PATE1: variants seen among roughly 807,000 people sequenced by gnomAD.
PATE1 encodes the protein prostate and testis expressed 1, also known as prostate and testis expressed protein 1.
Under a neutral mutation model 13.1 loss-of-function variants are expected in PATE1, and 21 were observed. The observed-to-expected ratio is 1.61, with a 90% CI of 1.14 to 2.31. The LOEUF (loss-of-function observed/expected upper bound fraction) is 2.31, where lower values mean the gene tolerates loss of function less well. Among genes scored for constraint, PATE1 ranks in the 30% most tolerant of loss-of-function variants. PATE1 has a pLI of 0.00. For missense variants in PATE1, 166 were observed against 147.2 expected (o/e 1.13, Z -0.66); for synonymous variants, 52 against 47.1 (o/e 1.10, Z -0.43).
chr11:125,746,800 T>A, intron 2 of PATE1, 104 bp downstream of exon 2: 1 of 1,188,568 alleles, frequency 8.4e-7, no homozygotes, highest in Non-Finnish European at 1.3e-6. Flanking sequence ...AAAATACGAA[T>A]AGACCTTGAG....
chr11:125,747,292 C>A, intron 2 of PATE1, 84 bp from the exon 3 acceptor site: 5 of 1,321,154 alleles, frequency 3.8e-6, no homozygotes, highest in South Asian at 3.7e-5. Context: ...CAGGATGGAC[C>A]CTGAAGGGCA....
In PATE1 at chr11:125,747,771, A is replaced by G. The variant is rs149639744; in HGVS notation, c.196A>G (p.Ile66Val). 41 of 1,613,998 alleles carry G rather than the reference A, an allele frequency of 2.5e-5. 1 individual carries two copies. The African/African-American group carries it at 4.9e-4, about 19-fold the overall frequency. The change falls in exon 4 of 5, where the codon ATA (isoleucine) becomes GTA (valine). Residue 66 changes from isoleucine (I) to valine (V), a missense_variant. Ile to Val is a conservative substitution (Grantham distance 29). Coordinates refer to ENST00000305738, the MANE Select transcript of PATE1 (RefSeq NM_138294.3). Reference protein sequence around the residue: ...PGEKCSRGRGICTATTEEACM... With the variant: ...PGEKCSRGRGVCTATTEEACM... Reference sequence around the variant, plus strand: ...AGAAAAGTGCTCCAGAGGAAGAGGAATATGCACAGCAACAACAGAAGAGGC... The same window carrying G: ...AGAAAAGTGCTCCAGAGGAAGAGGAGTATGCACAGCAACAACAGAAGAGGC...
In PATE1 at chr11:125,746,296, C is replaced by T. The variant is rs1943270181; in HGVS notation, c.-9C>T. On this transcript the variant is annotated 5_prime_UTR_variant, in exon 1 of 5. Transcript: ENST00000305738. Reference sequence around the variant, plus strand: ...TTCGTGCTGTAGCCTGGCCCTCCCTCTTTCCAAAATGGACAAGTCCCTCTT... The same window carrying T: ...TTCGTGCTGTAGCCTGGCCCTCCCTTTTTCCAAAATGGACAAGTCCCTCTT... 6.2e-7 allele frequency: 1 copy of T among 1,613,686 alleles called. No homozygotes were observed. The highest frequency in any genetic ancestry group is 8.5e-7 in the Non-Finnish European group (1 of 1,179,744).
chr11:125,748,815 C>G lies in PATE1; in HGVS notation c.*82C>G. On this transcript the variant is annotated 3_prime_UTR_variant, in exon 5 of 5. Coordinates refer to ENST00000305738, the MANE Select transcript of PATE1 (RefSeq NM_138294.3). The stretch of plus-strand genomic sequence containing the variant: ...TTCACAATGACTTTCTAAAAAAAAT[C>G]ACACACACACACACACACACTACAG... The G allele has an allele frequency of 4.7e-6, 2 of 428,018 alleles. No homozygotes were observed. The highest frequency in any genetic ancestry group is 6.4e-6 in the Non-Finnish European group (2 of 311,878). The allele number at this position is 428,018 out of a possible 1,614,324, so 26.5% of individuals were successfully genotyped here. A position where few individuals can be genotyped will look rare whatever the true frequency, so the allele number is the denominator to read the frequency against.
In PATE1 at chr11:125,749,794, G is replaced by C. The variant is rs1223704049; in HGVS notation, c.*1061G>C. 1 of 151,930 alleles carries C rather than the reference G, an allele frequency of 6.6e-6. No individual in the cohort carries two copies. Among genetic ancestry groups the C allele is most frequent in the Non-Finnish European group, 1.5e-5 (1 of 67,982 alleles). The allele number at this position is 151,930 out of a possible 1,614,324, so 9.4% of individuals were successfully genotyped here. A position where few individuals can be genotyped will look rare whatever the true frequency, so the allele number is the denominator to read the frequency against. ...ACTTGTAGAATGAAGCCTGGAAAGA[G>C]TGATGAATTATATTATATTATATAA... On this transcript the variant is annotated 3_prime_UTR_variant, in exon 5 of 5. Coordinates refer to ENST00000305738, the MANE Select transcript of PATE1 (RefSeq NM_138294.3).
intron 2 of PATE1, 54 bp downstream of exon 2, chr11:125,746,750 A>G: frequency 5.0e-6 from 8 of 1,598,368 alleles, no homozygotes; most frequent in Non-Finnish European, 6.9e-6. Context: ...GGAGGAAAAG[A>G]TGAGTGGGGT....
intron 3 of PATE1, 81 bp downstream of exon 3, chr11:125,747,492 C>A: frequency 6.8e-7 from 1 of 1,467,242 alleles, no homozygotes; most frequent in Non-Finnish European, 9.5e-7. Flanking sequence ...TTTCTTTCCC[C>A]TCCCATTTTT....
Position 125,748,741 on chromosome 11 carries a change from T to C in PATE1, c.*8T>C, listed in dbSNP as rs1232809969. ...TGCAATGAAGACCTTTAGAAGTTAA[T>C]GGTTCTTCTGTGACTCCAATTTCTG... On this transcript the variant is annotated 3_prime_UTR_variant, in exon 5 of 5. Transcript: ENST00000305738. 6.2e-7 allele frequency: 1 copy of C among 1,609,564 alleles called. No homozygotes were observed. Among genetic ancestry groups the C allele is most frequent in the Non-Finnish European group, 8.5e-7 (1 of 1,178,670 alleles).
At position 125,748,644 on chromosome 11, in the gene PATE1, T is replaced by C; in HGVS notation, c.292T>C (p.Cys98Arg). Reference sequence around the variant, plus strand: ...AACCTTCATGGGCTGCCTAAAGAACTGTGCTGATGTGAAAGGCATAAGGTG... The same window carrying C: ...AACCTTCATGGGCTGCCTAAAGAACCGTGCTGATGTGAAAGGCATAAGGTG... ...WLTFMGCLKN[C>R]ADVKGIRWSV... is the part of the protein sequence containing the mutation. Residue 98 changes from cysteine to arginine, a missense_variant, in exon 5 of 5, where the codon TGT becomes CGT. By Grantham distance (180) the Cys-to-Arg change is radical (BLOSUM62 -3). Coordinates refer to ENST00000305738, the MANE Select transcript of PATE1 (RefSeq NM_138294.3). 6.2e-7 allele frequency: 1 copy of C among 1,613,946 alleles called. No homozygotes were observed. The highest frequency in any genetic ancestry group is 2.2e-5 in the East Asian group (1 of 44,866).
At chr11:125,747,934 C>G in intron 4 of PATE1, 112 bp downstream of exon 4, 1 of 1,455,608 alleles carries the variant, frequency 6.9e-7, no homozygotes, top group Non-Finnish European at 9.3e-7. Context: ...CAGTCTCATA[C>G]CTGGGATGGC....
intron 1 of PATE1, 80 bp downstream of exon 1, chr11:125,746,436 T>A: frequency 2.0e-6 from 3 of 1,492,508 alleles, no homozygotes; most frequent in Non-Finnish European, 2.8e-6. Context: ...GGCCTTCTCA[T>A]GGGAGTCCTA....
Position 125,749,396 on chromosome 11 carries a change from G to A in PATE1, c.*663G>A, listed in dbSNP as rs1943310694. ...GAATAAAAGCAGGAGAAGTCTATGG[G>A]ATTCTAGAAATAGTACCTGCATCCA... On this transcript the variant is annotated 3_prime_UTR_variant, in exon 5 of 5. Transcript: ENST00000305738. 1 of 152,162 alleles carries A rather than the reference G, an allele frequency of 6.6e-6. No homozygotes were observed. The highest frequency in any genetic ancestry group is 1.5e-5 in the Non-Finnish European group (1 of 68,082). 9.4% of individuals were successfully genotyped at this position (152,162 alleles called of 1,614,324 possible). A position where few individuals can be genotyped will look rare whatever the true frequency, so the allele number is the denominator to read the frequency against.
At chr11:125,747,543 T>C (rs1591456599) in intron 3 of PATE1, 132 bp downstream of exon 3, 1 of 1,416,130 alleles carries the variant, frequency 7.1e-7, no homozygotes, top group African/African-American at 1.4e-5. Flanking sequence ...AATCACTCTC[T>C]TGGCTTAGTG....
Position 125,747,412 on chromosome 11 carries a change from G to GT in PATE1, c.124+2dup, listed in dbSNP as rs747183100. 5 of 1,611,744 alleles carry GT rather than the reference G, an allele frequency of 3.1e-6. No individual in the cohort carries two copies. The African/African-American group carries it at 6.7e-5, about 22-fold the overall frequency. ...GTTGCTGTGAAAAACAATTTTCCTG[G>GT]TAAGTATGAAGAGGACCTGTCTGAT... On this transcript the variant is annotated splice_donor_variant, in intron 3 of 4. Coordinates refer to ENST00000305738, the MANE Select transcript of PATE1 (RefSeq NM_138294.3). LOFTEE classifies it high-confidence loss of function.
At chr11:125,747,883 CA>C in intron 4 of PATE1, 61 bp downstream of exon 4, 1 of 1,604,534 alleles carries the variant, frequency 6.2e-7, no homozygotes, top group Non-Finnish European at 8.5e-7. Flanking sequence ...ACGTATCAGC[CA>C]CAGGGGAAAG....
intron 1 of PATE1, 71 bp downstream of exon 1, chr11:125,746,427 G>A (rs936709226): frequency 4.9e-5 from 74 of 1,517,360 alleles, no homozygotes; most frequent in Non-Finnish European, 6.6e-5. Flanking sequence ...CATGACAGAG[G>A]CCTTCTCATG....
intron 4 of PATE1, among the ~76,000 whole-genome samples, chr11:125,748,375 G>A (rs374347938): frequency 3.2e-4 from 49 of 152,220 alleles, no homozygotes; most frequent in African/African-American, 1.0e-3. Flanking sequence ...CCTGAATTAC[G>A]GCTCTCCTTA....
At position 125,748,827 on chromosome 11, in the gene PATE1, CA is replaced by C; in HGVS notation, c.*95del. ...TTCTAAAAAAAATCACACACACACA[CA>C]CACACACTACAGAAGAGGATTGCAA... On this transcript the variant is annotated 3_prime_UTR_variant, in exon 5 of 5. Transcript: ENST00000305738. 7.0e-7 allele frequency: 1 copy of C among 1,432,606 alleles called. No individual in the cohort carries two copies. Among genetic ancestry groups the C allele is most frequent in the Non-Finnish European group, 9.5e-7 (1 of 1,050,190 alleles). The allele number at this position is 1,432,606 out of a possible 1,614,324, so 88.7% of individuals were successfully genotyped here. A position where few individuals can be genotyped will look rare whatever the true frequency, so the allele number is the denominator to read the frequency against.
At position 125,746,360 on chromosome 11, in the gene PATE1, A is replaced by G. The variant is rs200477241; in HGVS notation, c.52+4A>G. On this transcript the variant is annotated splice_donor_region_variant and intron_variant, in intron 1 of 4. Coordinates refer to ENST00000305738, the MANE Select transcript of PATE1 (RefSeq NM_138294.3). The stretch of plus-strand genomic sequence containing the variant: ...ATCCTGCTCTGCTGCTTTAGGGGTG[A>G]GTCCCTAGGGTTGACAGCTGGTAAG... 103 of 1,613,416 alleles carry G rather than the reference A, an allele frequency of 6.4e-5. No homozygotes were observed. The highest frequency in any genetic ancestry group is 5.6e-5 in the Non-Finnish European group (66 of 1,179,566).
Sources: allele counts gnomAD v4.1 joint callset (sites outside exome capture counted in the v4.1 genomes callset), GRCh38; gene constraint gnomAD v4.1.1; transcripts MANE v1.5; gene names NCBI Gene and HGNC (gene_info 2026-07-23, HGNC 2026-07-21).